The following MPP4 variants were observed in gnomAD, a reference collection of about 807,000 sequenced individuals.
MPP4 encodes MAGUK p55 scaffold protein 4.
A neutral mutation model predicts 98.3 loss-of-function variants in MPP4; 91 were observed. That is an observed-to-expected ratio of 0.93 (90% CI 0.78 to 1.10). The LOEUF is 1.10. MPP4 is among the 50% of genes least tolerant of loss of function. MPP4 has a pLI of 0.00. For missense variants in MPP4, 744 were observed against 792.9 expected (o/e 0.94, Z 0.74); for synonymous variants, 261 against 271.8 (o/e 0.96, Z 0.39).
intron 16 of MPP4, 150 bp downstream of exon 16, chr2:201,658,327 C>T (rs1324986751): frequency 3.0e-6 from 2 of 656,902 alleles, no homozygotes; most frequent in Non-Finnish European, 5.2e-6. Context: ...AGAATATTGA[C>T]AAGAAAAAAG....
chr2:201,692,673 G>A (rs1689070712), intron 3 of MPP4, among the ~76,000 whole-genome samples: 2 of 152,126 alleles, frequency 1.3e-5, no homozygotes, highest in African/African-American at 4.8e-5. Flanking sequence ...CTTCCATTAT[G>A]TGAGGACATA....
At chr2:201,681,456 A>T in intron 9 of MPP4, 40 bp downstream of exon 9, 3 of 1,494,812 alleles carry the variant, frequency 2.0e-6, no homozygotes, top group African/African-American at 1.4e-5. Context: ...TTACTTGGGG[A>T]TTTACTGTGT....
At chr2:201,650,374 G>A (rs917203010) in intron 18 of MPP4, 13 of 985,256 alleles carry the variant, frequency 1.3e-5, no homozygotes, top group Middle Eastern at 1.0e-3. Context: ...AGTGCTTATG[G>A]TATGAAAAAG....
intron 1 of MPP4, among the ~76,000 whole-genome samples, chr2:201,697,086 C>A (rs892272577): frequency 1.3e-5 from 2 of 152,122 alleles, no homozygotes; most frequent in African/African-American, 4.8e-5. Flanking sequence ...TAAGAGCCAT[C>A]AGAGTTCATG....
intron 16 of MPP4, among the ~76,000 whole-genome samples, chr2:201,657,601 G>GTTTTTTTTTTTT (rs1393900511): frequency 6.7e-5 from 7 of 104,988 alleles, no homozygotes; most frequent in African/African-American, 2.7e-4. Context: ...TTTTTTTTTT[G>GTTTTTTTTTTTT]TTTTTTTGTT....
chr2:201,650,248 C>A (rs1409499603), intron 18 of MPP4, 83 bp from the exon 19 acceptor site: 6 of 1,473,902 alleles, frequency 4.1e-6, no homozygotes, highest in African/African-American at 2.9e-5. Context: ...GATATCTAAT[C>A]AAAATAAATA....
intron 18 of MPP4, chr2:201,652,075 C>T (rs1687729037): frequency 1.1e-6 from 1 of 896,664 alleles, no homozygotes; most frequent in Non-Finnish European, 1.3e-6. Context: ...TCAGAAAGCA[C>T]AGCCTATAGC....
chr2:201,664,035 G>C (rs1333212343), intron 14 of MPP4, 46 bp downstream of exon 14: 3 of 1,367,616 alleles, frequency 2.2e-6, no homozygotes, highest in African/African-American at 2.9e-5. Context: ...TCAAAATTTA[G>C]AATATACATT....
At chr2:201,674,998 G>A (rs919540009) in intron 11 of MPP4, 1 of 683,300 alleles carries the variant, frequency 1.5e-6, no homozygotes, top group South Asian at 1.5e-5. Flanking sequence ...AGTAGCAAGT[G>A]CCCACTGAAT....
intron 10 of MPP4, among the ~76,000 whole-genome samples, chr2:201,677,301 G>GAAAGT (rs1688532162): frequency 4.6e-5 from 7 of 152,114 alleles, no homozygotes; most frequent in Non-Finnish European, 5.9e-5. Flanking sequence ...AGCGAATGGG[G>GAAAGT]CCTCTCACTG....
chr2:201,669,931 T>C (rs1362377267), intron 11 of MPP4, among the ~76,000 whole-genome samples, 181 bp from the exon 12 acceptor site: 1 of 152,236 alleles, frequency 6.6e-6, no homozygotes, highest in Non-Finnish European at 1.5e-5. Flanking sequence ...ATGAATACTT[T>C]ATAAAACTGA....
intron 13 of MPP4, among the ~76,000 whole-genome samples, chr2:201,664,649 G>T (rs998259742): frequency 6.6e-6 from 1 of 152,170 alleles, no homozygotes; most frequent in African/African-American, 2.4e-5. Flanking sequence ...ATTTTAAAGA[G>T]AGATTAAGGA....
At position 201,664,143 on chromosome 2, in the gene MPP4, A is replaced by G. The variant is rs747045667; in HGVS notation, c.1052-42T>C. ...AGGCAAAAATCAAAAATGTTATTACATGACCATCTACACTGAGTCTATATT... is the reference window on the plus strand; with the variant it reads ...AGGCAAAAATCAAAAATGTTATTACGTGACCATCTACACTGAGTCTATATT... On this transcript the variant is annotated intron_variant, in intron 13 of 21. Coordinates refer to ENST00000409474, the MANE Select transcript of MPP4 (RefSeq NM_033066.3). 5.9e-6 allele frequency: 9 copies of G among 1,527,284 alleles called. No homozygotes were observed. The East Asian group carries it at 1.5e-4, about 25-fold the overall frequency. 94.6% of individuals were successfully genotyped at this position (1,527,284 alleles called of 1,614,324 possible).
intron 7 of MPP4, among the ~76,000 whole-genome samples, chr2:201,683,592 T>C (rs1356623906): frequency 6.6e-6 from 1 of 150,828 alleles, no homozygotes; most frequent in Non-Finnish European, 1.5e-5. Context: ...GTACTAAAAA[T>C]ACAAAAAAAA....
chr2:201,649,549 G>T, intron 20 of MPP4, 27 bp downstream of exon 20: 2 of 1,503,706 alleles, frequency 1.3e-6, no homozygotes, highest in Non-Finnish European at 1.8e-6. Flanking sequence ...ATTGTTTGGG[G>T]ACATAAATAT....
Position 201,664,109 on chromosome 2 carries a change from T to TA in MPP4, c.1052-9_1052-8insT. On this transcript the variant is annotated splice_polypyrimidine_tract_variant and intron_variant, in intron 13 of 21. Transcript: ENST00000409474. ...ATTCAAATGTTTCTTCATCTATGATTTTTCATGGAGGCAAAAATCAAAAAT... is the reference window on the plus strand; with the variant it reads ...ATTCAAATGTTTCTTCATCTATGATTATTTCATGGAGGCAAAAATCAAAAAT... The TA allele has an allele frequency of 2.6e-6, 4 of 1,537,000 alleles. No homozygotes were observed. Among genetic ancestry groups the TA allele is most frequent in the Non-Finnish European group, 3.5e-6 (4 of 1,135,974 alleles).
At chr2:201,695,185 G>A (rs1056948423) in intron 1 of MPP4, among the ~76,000 whole-genome samples, 8 of 152,246 alleles carry the variant, frequency 5.3e-5, no homozygotes, top group African/African-American at 1.7e-4. Context: ...ACCCTAGGGT[G>A]TAGCATGGTT....
At chr2:201,669,848 C>A in intron 11 of MPP4, 98 bp from the exon 12 acceptor site, 1 of 967,356 alleles carries the variant, frequency 1.0e-6, no homozygotes, top group Non-Finnish European at 1.4e-6. Flanking sequence ...ATGTAATGTG[C>A]AAAAATTATT....
chr2:201,690,360 A>G lies in MPP4; in HGVS notation c.202-81T>C, dbSNP rs185055974. ...TGGATTTAAGACTCTCAAAGAGAAG[A>G]AACACCCCAGGCAACTGCACCAATG... On this transcript the variant is annotated intron_variant, in intron 3 of 21. Coordinates refer to ENST00000409474, the MANE Select transcript of MPP4 (RefSeq NM_033066.3). 153 of 934,850 alleles carry G rather than the reference A, an allele frequency of 1.6e-4. No individual in the cohort carries two copies. The East Asian group carries it at 3.8e-3, about 23-fold the overall frequency. 57.9% of individuals were successfully genotyped at this position (934,850 alleles called of 1,614,324 possible). A position where few individuals can be genotyped will look rare whatever the true frequency, so the allele number is the denominator to read the frequency against.
Sources: allele counts gnomAD v4.1 joint callset (sites outside exome capture counted in the v4.1 genomes callset), GRCh38; gene constraint gnomAD v4.1.1; transcripts MANE v1.5; gene names NCBI Gene and HGNC (gene_info 2026-07-23, HGNC 2026-07-21).